FAM135B: variants seen among roughly 807,000 people sequenced by gnomAD.
FAM135B encodes the protein protein FAM135B.
In FAM135B, 43 loss-of-function variants were observed where a neutral mutation model predicts 127.7. The ratio of observed to expected loss-of-function variants is 0.34; its 90% CI spans 0.26 to 0.43. The LOEUF is 0.43. Among genes scored for constraint, FAM135B ranks in the 20% least tolerant of loss-of-function variants. The pLI is 1.00. For synonymous variants in FAM135B, 670 were observed against 665.1 expected (o/e 1.01, Z -0.11); for missense variants, 1,558 against 1,725.6 (o/e 0.90, Z 1.72).
At chr8:138,302,344 G>T (rs1825948984) in intron 3 of FAM135B, among the ~76,000 whole-genome samples, 1 of 152,062 alleles carries the variant, frequency 6.6e-6, no homozygotes, top group Admixed American at 6.6e-5. Context: ...ATCTCTGGAT[G>T]CATGCTTCAG....
Position 138,167,952 on chromosome 8 carries a change from C to T in FAM135B, c.1201G>A (p.Asp401Asn), listed in dbSNP as rs367970411. Residue 401 changes from aspartate to asparagine, a missense_variant, in exon 12 of 20, where the codon GAT becomes AAT. This residue lies in a region of FAM135B where 115 missense variants were observed against 171.1 expected (regional missense o/e 0.67). Transcript: ENST00000395297. The stretch of plus-strand genomic sequence containing the variant: ...AAGATCACCGGCAGGGTGTTCCAAT[C>T]GCCGTCGATGTCCAGGCACTCTGCA... ...LPAECLDIDG[D>N]WNTLPVIFED... The T allele has an allele frequency of 3.4e-5, 55 of 1,613,968 alleles. No homozygotes were observed. Among genetic ancestry groups the T allele is most frequent in the East Asian group, 2.9e-4 (13 of 44,862 alleles).
intron 2 of FAM135B, 99 bp from the exon 3 acceptor site, chr8:138,311,019 G>C: frequency 6.5e-6 from 6 of 928,672 alleles, no homozygotes; most frequent in Non-Finnish European, 9.8e-6. Flanking sequence ...AGGAAATCAG[G>C]GAAGTTTCTT....
chr8:138,324,726 T>C (rs931094742), intron 2 of FAM135B, among the ~76,000 whole-genome samples: 1 of 152,192 alleles, frequency 6.6e-6, no homozygotes, highest in Admixed American at 6.5e-5. Flanking sequence ...TAAACTATTT[T>C]TCCAAGTTTC....
At chr8:138,227,257 T>A (rs1819528627) in intron 7 of FAM135B, among the ~76,000 whole-genome samples, 1 of 152,208 alleles carries the variant, frequency 6.6e-6, no homozygotes, top group South Asian at 2.1e-4. Flanking sequence ...TTATCCTCTT[T>A]AAAAGTGTTT....
chr8:138,347,400 G>C (rs1248208973), intron 2 of FAM135B, among the ~76,000 whole-genome samples: 1 of 152,176 alleles, frequency 6.6e-6, no homozygotes, highest in Admixed American at 6.5e-5. Context: ...GCTTATAGAA[G>C]TCTGGGATCC....
At chr8:138,222,477 T>C (rs1819099259) in intron 7 of FAM135B, among the ~76,000 whole-genome samples, 1 of 152,168 alleles carries the variant, frequency 6.6e-6, no homozygotes, top group African/African-American at 2.4e-5. Flanking sequence ...TACCAATGAT[T>C]CACACAGTCC....
chr8:138,284,360 G>A (rs1471762819), intron 3 of FAM135B, among the ~76,000 whole-genome samples: 1 of 152,036 alleles, frequency 6.6e-6, no homozygotes, highest in East Asian at 1.9e-4. Context: ...CCCGACTCCT[G>A]TGCAGACTTT....
intron 15 of FAM135B, 34 bp downstream of exon 15, chr8:138,145,925 G>A (rs1817611490): frequency 8.8e-7 from 1 of 1,133,924 alleles, no homozygotes; most frequent in Non-Finnish European, 1.3e-6. Flanking sequence ...ATGCATCCAG[G>A]GTTCTTCCAG....
At chr8:138,198,541 T>C (rs745462318) in intron 7 of FAM135B, among the ~76,000 whole-genome samples, 3 of 152,126 alleles carry the variant, frequency 2.0e-5, no homozygotes, top group African/African-American at 7.2e-5. Context: ...GAAAGTGTCA[T>C]CGTAATGTAG....
intron 9 of FAM135B, among the ~76,000 whole-genome samples, chr8:138,181,921 T>A (rs1308449797): frequency 6.6e-6 from 1 of 152,168 alleles, no homozygotes; most frequent in Admixed American, 6.5e-5. Context: ...AGCTTCAGCC[T>A]TCTCACTATT....
chr8:138,135,596 A>G (rs1387220846), intron 19 of FAM135B, among the ~76,000 whole-genome samples: 4 of 152,220 alleles, frequency 2.6e-5, no homozygotes, highest in Non-Finnish European at 5.9e-5. Flanking sequence ...GCTGGTATCA[A>G]TATTTTAGAA....
At chr8:138,342,688 A>G (rs1829137452) in intron 2 of FAM135B, among the ~76,000 whole-genome samples, 1 of 152,232 alleles carries the variant, frequency 6.6e-6, no homozygotes, top group African/African-American at 2.4e-5. Flanking sequence ...TGAAGAAGAA[A>G]GATGCCACAG....
At chr8:138,332,874 A>T (rs1241261660) in intron 2 of FAM135B, among the ~76,000 whole-genome samples, 1 of 151,948 alleles carries the variant, frequency 6.6e-6, no homozygotes, top group Non-Finnish European at 1.5e-5. Flanking sequence ...AAGTGAGATG[A>T]CCTCACATAA....
intron 1 of FAM135B, among the ~76,000 whole-genome samples, chr8:138,395,307 A>G (rs1316504143): frequency 6.6e-6 from 1 of 152,138 alleles, no homozygotes; most frequent in Admixed American, 6.5e-5. Flanking sequence ...GCCAGCCCCA[A>G]AATAGCAGGA....
chr8:138,158,319 T>G (rs1241380112), intron 12 of FAM135B, among the ~76,000 whole-genome samples: 1 of 152,180 alleles, frequency 6.6e-6, no homozygotes, highest in East Asian at 1.9e-4. Context: ...ATTAAAGACT[T>G]AAATGTTAGA....
chr8:138,165,628 C>A (rs1331252090), intron 12 of FAM135B, among the ~76,000 whole-genome samples: 2 of 152,116 alleles, frequency 1.3e-5, no homozygotes, highest in African/African-American at 4.8e-5. Context: ...AGTTCAGATT[C>A]TCTGTAGTTA....
At chr8:138,316,884 G>A (rs1320335995) in intron 2 of FAM135B, among the ~76,000 whole-genome samples, 1 of 151,868 alleles carries the variant, frequency 6.6e-6, no homozygotes, top group Non-Finnish European at 1.5e-5. Flanking sequence ...GGAGGCTGAG[G>A]CAGGAGAATG....
intron 1 of FAM135B, among the ~76,000 whole-genome samples, chr8:138,371,193 G>C (rs1203475478): frequency 2.6e-5 from 4 of 152,204 alleles, no homozygotes; most frequent in African/African-American, 9.6e-5. Flanking sequence ...AAGAGGTGAA[G>C]AGCAAGAGTA....
At chr8:138,217,830 C>T (rs910147632) in intron 7 of FAM135B, among the ~76,000 whole-genome samples, 12 of 152,084 alleles carry the variant, frequency 7.9e-5, no homozygotes, top group African/African-American at 2.7e-4. Context: ...CTTTCCTTCA[C>T]GGAGTTTTTG....
Sources: gnomAD v4.1 joint callset for allele counts (sites outside exome capture counted in the v4.1 genomes callset) on GRCh38, gnomAD v4.1.1 for gene constraint, gnomAD v4.1.1 regional missense constraint, MANE v1.5 for transcripts, NCBI Gene and HGNC (gene_info 2026-07-23, HGNC 2026-07-21) for gene names.